Variants in PLEKHM3 observed in about 807,000 individuals in gnomAD.
The protein encoded by PLEKHM3 is pleckstrin homology domain containing M3, also known as pleckstrin homology domain-containing family M member 3.
Under a neutral mutation model 81.8 loss-of-function variants are expected in PLEKHM3, and 45 were observed. The observed-to-expected ratio is 0.55, with a 90% CI of 0.43 to 0.71. The LOEUF is 0.71. Among genes scored for constraint, PLEKHM3 ranks in the 30% least tolerant of loss-of-function variants. The pLI, the probability that PLEKHM3 is intolerant of heterozygous loss-of-function variation, is 0.00. For missense variants in PLEKHM3, 788 were observed against 924.3 expected (o/e 0.85, Z 1.91); for synonymous variants, 352 against 356.4 (o/e 0.99, Z 0.14).
chr2:207,881,090 T>C (rs1011841083), intron 6 of PLEKHM3, among the ~76,000 whole-genome samples: 1 of 151,816 alleles, frequency 6.6e-6, no homozygotes, highest in Non-Finnish European at 1.5e-5. Flanking sequence ...AGAAGATAAA[T>C]GGTTTTGCAC....
chr2:208,016,570 GC>G (rs1473417259), intron 1 of PLEKHM3, among the ~76,000 whole-genome samples: 1 of 149,814 alleles, frequency 6.7e-6, no homozygotes, highest in Non-Finnish European at 1.5e-5. Flanking sequence ...AACTGCTGGA[GC>G]CTTGGGAGGC....
chr2:208,008,508 A>AAAAAAAAAACAAAAAAAAAAAAACCTGAC (rs1692577473), intron 1 of PLEKHM3, among the ~76,000 whole-genome samples: 1 of 30,790 alleles, frequency 3.2e-5, no homozygotes, highest in Non-Finnish European at 1.8e-4. Flanking sequence ...TGCCAAAAAA[A>AAAAAAAAAACAAAAAAAAAAAAACCTGAC]AAAAAAAAAA....
chr2:208,018,256 C>G (rs1692994440), intron 1 of PLEKHM3, among the ~76,000 whole-genome samples: 1 of 151,824 alleles, frequency 6.6e-6, no homozygotes, highest in Non-Finnish European at 1.5e-5. Flanking sequence ...GCCTGTAGTC[C>G]CAGCTACTCC....
chr2:207,888,330 T>C (rs1179850538), intron 6 of PLEKHM3, among the ~76,000 whole-genome samples: 9 of 146,958 alleles, frequency 6.1e-5, no homozygotes, highest in African/African-American at 2.3e-4. Context: ...ATGAATGTTG[T>C]CTGCCTTATC....
chr2:207,839,595 A>C (rs2092338625), intron 7 of PLEKHM3, among the ~76,000 whole-genome samples: 1 of 152,174 alleles, frequency 6.6e-6, no homozygotes, highest in African/African-American at 2.4e-5. Flanking sequence ...TCCCTGGACC[A>C]AATGTGATGC....
In PLEKHM3 at chr2:207,977,300, C is replaced by T; in HGVS notation, c.897G>A (p.Trp299Ter). Reference sequence around the variant, plus strand: ...GCACTACTTCCCAAAGCTTCTGTCCCCAGTCCAAAGCCTCCCATGGTGACT... The same window carrying T: ...GCACTACTTCCCAAAGCTTCTGTCCTCAGTCCAAAGCCTCCCATGGTGACT... ...KAESPWEALD[W>*]GQKLWEVVHA... The change falls in exon 3 of 8, where the codon TGG becomes TGA. Residue 299 changes from tryptophan to a stop codon, truncating the protein, a stop_gained. Transcript: ENST00000427836. LOFTEE classifies it high-confidence loss of function. 1.2e-6 allele frequency: 2 copies of T among 1,614,140 alleles called. No individual in the cohort carries two copies. Among genetic ancestry groups the T allele is most frequent in the Non-Finnish European group, 1.7e-6 (2 of 1,180,026 alleles).
chr2:207,996,235 C>A (rs1466492089), intron 2 of PLEKHM3, among the ~76,000 whole-genome samples: 1 of 152,024 alleles, frequency 6.6e-6, no homozygotes, highest in Non-Finnish European at 1.5e-5. Context: ...TTTCTCTTAT[C>A]AGGGCAGCTT....
At chr2:207,926,746 T>C (rs1482949418) in intron 5 of PLEKHM3, among the ~76,000 whole-genome samples, 2 of 152,320 alleles carry the variant, frequency 1.3e-5, no homozygotes, top group Middle Eastern at 3.4e-3. Flanking sequence ...CCAGTCAAGA[T>C]GTGCAGTGTG....
chr2:207,861,722 A>T lies in PLEKHM3; in HGVS notation c.1951-460T>A, dbSNP rs180843676. 2.1e-3 allele frequency among the ~76,000 whole-genome samples: 313 copies of T among 152,254 alleles called. 1 individual carries two copies. Among genetic ancestry groups the T allele is most frequent in the African/African-American group, 7.1e-3 (293 of 41,504 alleles). On this transcript the variant is annotated intron_variant, in intron 6 of 7. Transcript: ENST00000427836. Reference sequence around the variant, plus strand: ...TTTTTTCACCATCTTCCCCAAGAACATAGAGTAAATGGGGAAAAATAGGTT... The same window carrying T: ...TTTTTTCACCATCTTCCCCAAGAACTTAGAGTAAATGGGGAAAAATAGGTT...
intron 6 of PLEKHM3, chr2:207,868,977 C>T (rs138400284): frequency 3.9e-5 from 6 of 152,258 alleles, no homozygotes; most frequent in African/African-American, 1.2e-4. Context: ...TACAAGCATA[C>T]GTAATTTTGC....
intron 6 of PLEKHM3, among the ~76,000 whole-genome samples, chr2:207,876,948 CAG>C (rs897773395): frequency 6.6e-6 from 1 of 152,198 alleles, no homozygotes; most frequent in African/African-American, 2.4e-5. Context: ...CTCATCTATT[CAG>C]AGGTCACAAT....
At chr2:207,985,936 C>T (rs1027840579) in intron 2 of PLEKHM3, among the ~76,000 whole-genome samples, 2 of 150,032 alleles carry the variant, frequency 1.3e-5, no homozygotes, top group African/African-American at 2.5e-5. Context: ...TGCAGTGAGC[C>T]GAGATTGGGC....
chr2:208,009,676 C>A (rs764255440), intron 1 of PLEKHM3, among the ~76,000 whole-genome samples: 1 of 152,174 alleles, frequency 6.6e-6, no homozygotes, highest in Non-Finnish European at 1.5e-5. Context: ...AGCAATTCTG[C>A]CCTCTTCCAT....
chr2:207,952,702 T>C (rs762700459), intron 3 of PLEKHM3, among the ~76,000 whole-genome samples: 5 of 152,178 alleles, frequency 3.3e-5, no homozygotes, highest in South Asian at 2.1e-4. Flanking sequence ...TTAAAGGAAG[T>C]AGAGGCAAAG....
chr2:207,874,430 C>T (rs533623713), intron 6 of PLEKHM3, among the ~76,000 whole-genome samples: 5 of 151,958 alleles, frequency 3.3e-5, no homozygotes, highest in South Asian at 4.2e-4. Context: ...CAAAAGTAGC[C>T]AGGCGTGATG....
At chr2:207,852,246 G>T (rs1172584473) in intron 7 of PLEKHM3, among the ~76,000 whole-genome samples, 1 of 152,114 alleles carries the variant, frequency 6.6e-6, no homozygotes, top group African/African-American at 2.4e-5. Context: ...TTGGATTCAG[G>T]TTTTGGCCTT....
At chr2:207,994,168 C>T (rs1048790444) in intron 2 of PLEKHM3, among the ~76,000 whole-genome samples, 1 of 152,110 alleles carries the variant, frequency 6.6e-6, no homozygotes, top group African/African-American at 2.4e-5. Flanking sequence ...CCTTTCGGGT[C>T]CTAGTTGAGG....
chr2:207,904,239 G>A (rs1688533353), intron 6 of PLEKHM3, among the ~76,000 whole-genome samples: 1 of 152,088 alleles, frequency 6.6e-6, no homozygotes, highest in Non-Finnish European at 1.5e-5. Context: ...AAAGAGTTTG[G>A]ATTGAATATG....
rs1189260741 is a variant in PLEKHM3, at chr2:207,979,042, T to C, written c.611-1456A>G. Among the ~76,000 whole-genome samples the C allele has an allele frequency of 2.0e-5, 3 of 152,332 alleles. No individual in the cohort carries two copies. The East Asian group carries it at 5.8e-4, about 29-fold the overall frequency. On this transcript the variant is annotated intron_variant, in intron 2 of 7. Transcript: ENST00000427836. ...TAGTAGGTACTTAATAAGTACTTGT[T>C]GAATTAGAAATAAGGTACCTAGCAC...
Sources: gnomAD v4.1 joint callset for allele counts (sites outside exome capture counted in the v4.1 genomes callset) on GRCh38, gnomAD v4.1.1 for gene constraint, MANE v1.5 for transcripts, NCBI Gene and HGNC (gene_info 2026-07-23, HGNC 2026-07-21) for gene names.